Variants in ZNF160 observed in about 807,000 individuals in gnomAD.
ZNF160 encodes the protein KRAB zinc finger protein KR18.
Under a neutral mutation model 13.1 loss-of-function variants are expected in ZNF160, and 9 were observed. That is an observed-to-expected ratio of 0.69 (90% CI 0.41 to 1.20). The LOEUF is 1.20. ZNF160 is among the 50% of genes most tolerant of loss of function. ZNF160 has a pLI of 0.01. For missense variants in ZNF160, 838 were observed against 988.0 expected, an observed-to-expected ratio of 0.85 and a Z score of 2.04; for synonymous variants, 293 against 333.2, an observed-to-expected ratio of 0.88 and a Z score of 1.31.
In ZNF160 at chr19:53,070,630, G is replaced by A. The variant is rs1389994643; in HGVS notation, c.272-368C>T. Among the ~76,000 whole-genome samples, 4 of 152,108 alleles carry A rather than the reference G, an allele frequency of 2.6e-5. No individual in the cohort carries two copies. In the South Asian group the frequency reaches 8.3e-4, roughly 31 times the overall value. On this transcript the variant is annotated intron_variant, in intron 5 of 5. Transcript: ENST00000683776. ...GGGGTTTCACCATGTTAGCCAGGAT[G>A]GTCTCGATCTCTTGACCTCATGAGC...
intron 3 of ZNF160, among the ~76,000 whole-genome samples, chr19:53,082,291 G>C (rs1371356392): frequency 4.6e-5 from 7 of 152,266 alleles, no homozygotes; most frequent in Admixed American, 1.3e-4. Context: ...TCAAATAAAA[G>C]TACGTACCAA....
intron 3 of ZNF160, among the ~76,000 whole-genome samples, chr19:53,079,639 C>T (rs1162378296): frequency 1.6e-5 from 2 of 122,828 alleles, no homozygotes; most frequent in Non-Finnish European, 3.3e-5. Flanking sequence ...GCTATGACAC[C>T]AAAAGGAAAC....
intron 3 of ZNF160, chr19:53,084,953 CTTTTT>C (rs56958526): frequency 3.3e-4 from 47 of 141,878 alleles, no homozygotes; most frequent in Non-Finnish European, 5.3e-4. Flanking sequence ...AGGGTGGCAC[CTTTTT>C]TTTTTTTTTT....
intron 3 of ZNF160, chr19:53,077,038 T>C (rs184562880): frequency 6.6e-6 from 1 of 152,206 alleles, no homozygotes; most frequent in East Asian, 1.9e-4. Flanking sequence ...GGACCCCAGG[T>C]AAGGAAGCTA....
Position 53,069,124 on chromosome 19 carries a change from G to A in ZNF160, c.1410C>T (p.Thr470=). ...TTGTTCCAGTATGGATGACCTGATGGGTAGCTAGGTTTGAATGCATACTGA... is the reference window on the plus strand; with the variant it reads ...TTGTTCCAGTATGGATGACCTGATGAGTAGCTAGGTTTGAATGCATACTGA... ...KAFSMHSNLA[T]HQVIHTGTKP... Residue 470 remains threonine, a synonymous_variant, in exon 6 of 6, where the codon ACC becomes ACT. Transcript: ENST00000683776. This position sits in a 1 kb window ranked among gnomAD's most constrained non-coding sequence, Gnocchi z 4.4. The A allele has an allele frequency of 1.2e-6, 2 of 1,613,708 alleles. No homozygotes were observed. Among genetic ancestry groups the A allele is most frequent in the Non-Finnish European group, 1.7e-6 (2 of 1,179,914 alleles).
chr19:53,101,992 TG>T (rs927483060), intron 1 of ZNF160, among the ~76,000 whole-genome samples: 2 of 152,188 alleles, frequency 1.3e-5, no homozygotes, highest in African/African-American at 4.8e-5. Flanking sequence ...TATAACTATG[TG>T]TTCCTCTCCC....
At position 53,069,717 on chromosome 19, in the gene ZNF160, T is replaced by A. The variant is rs1479832578; in HGVS notation, c.817A>T (p.Thr273Ser). Residue 273 changes from threonine to serine, a missense_variant, in exon 6 of 6, where the codon ACA becomes TCA. Physicochemically the swap from Thr to Ser is moderately conservative, Grantham distance 58 (BLOSUM62 1). Around this residue, in one of 3 missense-constraint regions of ZNF160, gnomAD observed 387 missense variants for 402.3 expected, o/e 0.96. Transcript: ENST00000683776. The surrounding 1 kb of genome is among the most constrained non-coding windows in gnomAD (Gnocchi z 4.4). Reference protein sequence around the residue: ...GKAFTQNSNLTSHRRIHSGEK... With the variant: ...GKAFTQNSNLSSHRRIHSGEK... ...CCACTATGAATTCTCCTATGACTTG[T>A]AAGGTTCGAATTCTGAGTGAACGCC... 1 of 1,614,234 alleles carries A rather than the reference T, an allele frequency of 6.2e-7. No homozygotes were observed. Among genetic ancestry groups the A allele is most frequent in the African/African-American group, 1.3e-5 (1 of 75,060 alleles).
chr19:53,080,669 C>A (rs1006879450), intron 3 of ZNF160, among the ~76,000 whole-genome samples: 2 of 152,180 alleles, frequency 1.3e-5, no homozygotes, highest in African/African-American at 4.8e-5. Flanking sequence ...ATAGATTCAA[C>A]AGTATTCCTA....
intron 2 of ZNF160, 129 bp from the exon 3 acceptor site, chr19:53,086,450 T>C: frequency 1.4e-6 from 1 of 711,228 alleles, no homozygotes; most frequent in Non-Finnish European, 2.1e-6. Flanking sequence ...TGTGGAAAGA[T>C]GGTCCTCTGC....
intron 1 of ZNF160, among the ~76,000 whole-genome samples, chr19:53,093,094 A>G (rs2085094809): frequency 6.6e-6 from 1 of 152,244 alleles, no homozygotes; most frequent in African/African-American, 2.4e-5. Context: ...TTAAATGCTT[A>G]TACATTTTCA....
At chr19:53,095,365 GGA>G (rs1162117760) in intron 1 of ZNF160, 1 of 151,592 alleles carries the variant, frequency 6.6e-6, no homozygotes, top group Non-Finnish European at 1.5e-5. Context: ...CTCACCGGCA[GGA>G]GAGCATTCAG....
At chr19:53,102,059 T>G (rs76201131) in intron 1 of ZNF160, among the ~76,000 whole-genome samples, 6,027 of 152,128 alleles carry the variant, frequency 0.04, 230 homozygotes, top group South Asian at 0.11. Context: ...CCCTTTTATC[T>G]TCCCCCTAGG....
intron 2 of ZNF160, among the ~76,000 whole-genome samples, chr19:53,090,471 C>T (rs2084993775): frequency 6.6e-6 from 1 of 152,204 alleles, no homozygotes; most frequent in Non-Finnish European, 1.5e-5. Context: ...TCCTCTTTCT[C>T]CTGTCTCTCT....
At position 53,093,285 on chromosome 19, in the gene ZNF160, CA is replaced by C. The variant is rs1457237362; in HGVS notation, c.-353-1566del. Among the ~76,000 whole-genome samples, 3 of 152,064 alleles carry C rather than the reference CA, an allele frequency of 2.0e-5. No individual in the cohort carries two copies. In the East Asian group the frequency reaches 5.8e-4, roughly 29 times the overall value. On this transcript the variant is annotated intron_variant, in intron 1 of 5. Coordinates refer to ENST00000683776, the MANE Select transcript of ZNF160 (RefSeq NM_001322131.2). ...TGAAACGTTGTCTCTACTAAAAATACAAAAATTAGCCAGGCGCGGTGGCAGC... is the reference window on the plus strand; with the variant it reads ...TGAAACGTTGTCTCTACTAAAAATACAAAATTAGCCAGGCGCGGTGGCAGC...
At position 53,068,248 on chromosome 19, in the gene ZNF160, C is replaced by A. The variant is rs992568257; in HGVS notation, c.2286G>T (p.Arg762Ser). ...RRIHTGEKPY[R>S]CTECGKAFRV... ...TAAAGGCTTTCCCACACTCTGTACA[C>A]CTGTAAGGTTTCTCCCCAGTATGAA... The change falls in exon 6 of 6, where the codon AGG becomes AGT. Residue 762 changes from arginine (R) to serine (S), a missense_variant. By Grantham distance (110) the Arg-to-Ser change is moderately radical. Coordinates refer to ENST00000683776, the MANE Select transcript of ZNF160 (RefSeq NM_001322131.2). 1.2e-6 allele frequency: 2 copies of A among 1,613,862 alleles called. No individual in the cohort carries two copies. The highest frequency in any genetic ancestry group is 2.7e-5 in the African/African-American group (2 of 74,868).
chr19:53,071,588 A>G (rs2084179265), intron 5 of ZNF160, among the ~76,000 whole-genome samples: 1 of 151,366 alleles, frequency 6.6e-6, no homozygotes, highest in Non-Finnish European at 1.5e-5. Context: ...GCCTTAGCCC[A>G]AGAGTTCAAG....
At chr19:53,093,154 G>T (rs557677426) in intron 1 of ZNF160, among the ~76,000 whole-genome samples, 1 of 152,150 alleles carries the variant, frequency 6.6e-6, no homozygotes, top group Non-Finnish European at 1.5e-5. Flanking sequence ...GATATTTCTG[G>T]CCGGGCACGG....
intron 1 of ZNF160, among the ~76,000 whole-genome samples, chr19:53,095,044 C>T (rs1377453224): frequency 1.3e-5 from 2 of 148,148 alleles, no homozygotes; most frequent in Non-Finnish European, 3.0e-5. Context: ...CTTCTCACCC[C>T]ACCCCTTCCC....
At chr19:53,078,939 A>C (rs1234634859) in intron 3 of ZNF160, among the ~76,000 whole-genome samples, 1 of 152,174 alleles carries the variant, frequency 6.6e-6, no homozygotes, top group African/African-American at 2.4e-5. Flanking sequence ...AACAACAAAA[A>C]ACAATTGTAT....
Sources: allele counts gnomAD v4.1 joint callset (sites outside exome capture counted in the v4.1 genomes callset), GRCh38; gene constraint gnomAD v4.1.1; regional missense constraint gnomAD v4.1.1; non-coding constraint Gnocchi (gnomAD v3.1); transcripts MANE v1.5; gene names NCBI Gene and HGNC (gene_info 2026-07-23, HGNC 2026-07-21).